The following ALPK3 variants were observed in gnomAD, a reference collection of about 807,000 sequenced individuals.
The protein encoded by ALPK3 is alpha kinase 3, also known as alpha-protein kinase 3.
Under a neutral mutation model 140.0 loss-of-function variants are expected in ALPK3, and 102 were observed. That is an observed-to-expected ratio of 0.73 (90% CI 0.62 to 0.86). The LOEUF (loss-of-function observed/expected upper bound fraction) is 0.86. ALPK3 is among the 40% of genes least tolerant of loss of function. ALPK3 has a pLI of 0.00. For missense variants in ALPK3, 2,254 were observed against 2,208.2 expected, an observed-to-expected ratio of 1.02 and a Z score of -0.42; for synonymous variants, 938 against 898.5, an observed-to-expected ratio of 1.04 and a Z score of -0.79.
Position 84,839,636 on chromosome 15 carries a change from C to G in ALPK3, c.423-66C>G, listed in dbSNP as rs1963632771. Reference sequence around the variant, plus strand: ...TGTGCCCGGCTCTGAACGGCTCTGGCTGGGGGGTGTGGGGGCTCTCACCTC... The same window carrying G: ...TGTGCCCGGCTCTGAACGGCTCTGGGTGGGGGGTGTGGGGGCTCTCACCTC... On this transcript the variant is annotated intron_variant, in intron 4 of 13. Coordinates refer to ENST00000258888, the MANE Select transcript of ALPK3 (RefSeq NM_020778.5). 5 of 1,522,054 alleles carry G rather than the reference C, an allele frequency of 3.3e-6. No individual in the cohort carries two copies. The South Asian group carries it at 5.1e-5, about 15-fold the overall frequency. The allele number at this position is 1,522,054 out of a possible 1,614,324, so 94.3% of individuals were successfully genotyped here. A position where few individuals can be genotyped will look rare whatever the true frequency, so the allele number is the denominator to read the frequency against.
chr15:84,862,983 C>T, intron 10 of ALPK3, 68 bp downstream of exon 10: 3 of 1,560,742 alleles, frequency 1.9e-6, no homozygotes, highest in Non-Finnish European at 2.6e-6. Context: ...CAGCCCAGGT[C>T]CTGTTAGGAT....
intron 1 of ALPK3, 81 bp from the exon 2 acceptor site, chr15:84,823,249 T>C: frequency 1.3e-6 from 2 of 1,520,192 alleles, no homozygotes; most frequent in Non-Finnish European, 1.8e-6. Context: ...TGGTGGCCGA[T>C]TAATAGTTTG....
At chr15:84,863,273 G>A (rs1963969240) in intron 10 of ALPK3, among the ~76,000 whole-genome samples, 1 of 152,168 alleles carries the variant, frequency 6.6e-6, no homozygotes, top group Admixed American at 6.5e-5. Context: ...ACACAGAGTG[G>A]TCTCTGGGAC....
chr15:84,846,740 T>G (rs749379551), intron 5 of ALPK3, among the ~76,000 whole-genome samples: 5 of 152,096 alleles, frequency 3.3e-5, no homozygotes, highest in Admixed American at 2.0e-4. Context: ...CAAATATCAA[T>G]TTTATTCATT....
chr15:84,840,072 C>T lies in ALPK3; in HGVS notation c.793C>T (p.Leu265=), dbSNP rs1963642152. 1 of 1,613,940 alleles carries T rather than the reference C, an allele frequency of 6.2e-7. No individual in the cohort carries two copies. Among genetic ancestry groups the T allele is most frequent in the Non-Finnish European group, 8.5e-7 (1 of 1,180,014 alleles). Residue 265 remains leucine (L), a synonymous_variant, in exon 5 of 14, where the codon CTG becomes TTG. Coordinates refer to ENST00000258888, the MANE Select transcript of ALPK3 (RefSeq NM_020778.5). ...GACTGCTCAGCACTCAGGTTTGGGC[C>T]TGATCAACAGTTTTGCTTCTGGAGA... ...TETAQHSGLG[L]INSFASGEVT... is the part of the protein sequence containing the mutation.
At chr15:84,850,534 C>G (rs1309332343) in intron 5 of ALPK3, among the ~76,000 whole-genome samples, 1 of 152,052 alleles carries the variant, frequency 6.6e-6, no homozygotes, top group African/African-American at 2.4e-5. Context: ...CAGGCATATG[C>G]CACCACACCT....
intron 9 of ALPK3, among the ~76,000 whole-genome samples, chr15:84,861,138 A>G (rs1328882026): frequency 6.6e-6 from 1 of 152,252 alleles, no homozygotes; most frequent in East Asian, 1.9e-4. Context: ...TATTTGAATC[A>G]GGAACCACTC....
At chr15:84,827,303 T>C (rs1039296645) in intron 2 of ALPK3, among the ~76,000 whole-genome samples, 181 bp from the exon 3 acceptor site, 10 of 152,226 alleles carry the variant, frequency 6.6e-5, no homozygotes, top group African/African-American at 1.9e-4. Flanking sequence ...AACCCCTTGA[T>C]ACCTGGCCCC....
At chr15:84,863,492 A>G in intron 10 of ALPK3, 60 bp from the exon 11 acceptor site, 3 of 1,465,610 alleles carry the variant, frequency 2.0e-6, no homozygotes, top group Admixed American at 1.8e-5. Flanking sequence ...ACTTAGGGGT[A>G]GACACAGTGG....
At chr15:84,841,681 G>A (rs765647464) in intron 5 of ALPK3, among the ~76,000 whole-genome samples, 1 of 152,192 alleles carries the variant, frequency 6.6e-6, no homozygotes, top group Non-Finnish European at 1.5e-5. Context: ...TTTGTGTGGA[G>A]ACAGGGGTAG....
chr15:84,859,328 T>A lies in ALPK3; in HGVS notation c.3903T>A (p.Ile1301=), dbSNP rs1963910824. Residue 1301 remains isoleucine (I), a synonymous_variant, in exon 7 of 14, where the codon ATT becomes ATA. Transcript: ENST00000258888. Reference sequence around the variant, plus strand: ...AGCTGTGGTGCCAGTTTTTCAACATTCTTAGTGACTCAGTCTTGACATGGG... The same window carrying A: ...AGCTGTGGTGCCAGTTTTTCAACATACTTAGTGACTCAGTCTTGACATGGG... ...SLKLWCQFFN[I]LSDSVLTWAK... 6.2e-7 allele frequency: 1 copy of A among 1,613,962 alleles called. No individual in the cohort carries two copies. Among genetic ancestry groups the A allele is most frequent in the African/African-American group, 1.3e-5 (1 of 74,880 alleles).
Position 84,839,978 on chromosome 15 carries a change from G to T in ALPK3, c.699G>T (p.Pro233=), listed in dbSNP as rs776875875. 1 of 1,612,776 alleles carries T rather than the reference G, an allele frequency of 6.2e-7. No individual in the cohort carries two copies. The highest frequency in any genetic ancestry group is 8.5e-7 in the Non-Finnish European group (1 of 1,179,436). The part of the protein sequence containing the change: ...RKRRLSGAQA[P]GPSVPTREPE... The stretch of plus-strand genomic sequence containing the variant: ...GGCGATTGAGCGGGGCTCAAGCGCC[G>T]GGCCCCTCGGTCCCTACCAGGGAGC... Residue 233 remains proline, a synonymous_variant, in exon 5 of 14, where the codon CCG becomes CCT. Coordinates refer to ENST00000258888, the MANE Select transcript of ALPK3 (RefSeq NM_020778.5).
At chr15:84,817,737 C>A in intron 1 of ALPK3, 142 bp downstream of exon 1, 1 of 1,119,214 alleles carries the variant, frequency 8.9e-7, no homozygotes, top group Non-Finnish European at 1.2e-6. Flanking sequence ...GGCCTGGGGA[C>A]ATGGCCGGGC....
chr15:84,859,079 G>T (rs1963905517), intron 6 of ALPK3, among the ~76,000 whole-genome samples, 164 bp from the exon 7 acceptor site: 1 of 152,178 alleles, frequency 6.6e-6, no homozygotes, highest in Non-Finnish European at 1.5e-5. Flanking sequence ...CAGGGCAGAA[G>T]CCTGAGATAT....
intron 9 of ALPK3, among the ~76,000 whole-genome samples, chr15:84,861,582 T>C (rs549243156): frequency 1.1e-4 from 16 of 152,374 alleles, no homozygotes; most frequent in African/African-American, 3.8e-4. Flanking sequence ...CAGTCACTGA[T>C]TATTGCCTAA....
Position 84,840,518 on chromosome 15 carries a change from C to A in ALPK3, c.1239C>A (p.Phe413Leu), listed in dbSNP as rs752985553. Residue 413 changes from phenylalanine (F) to leucine (L), a missense_variant, in exon 5 of 14, where the codon TTC becomes TTA. By Grantham distance (22) the Phe-to-Leu change is conservative. Coordinates refer to ENST00000258888, the MANE Select transcript of ALPK3 (RefSeq NM_020778.5). ...PGPGPGQEVY[F>L]SLKDMYLENT... ...CAGGCCCAGGCCAGGAAGTGTATTT[C>A]TCCTTGAAGGACATGTACCTGGAGA... 1 of 1,610,642 alleles carries A rather than the reference C, an allele frequency of 6.2e-7. No individual in the cohort carries two copies. The highest frequency in any genetic ancestry group is 8.5e-7 in the Non-Finnish European group (1 of 1,178,886).
intron 5 of ALPK3, among the ~76,000 whole-genome samples, chr15:84,841,582 G>T (rs56001568): frequency 0.014 from 2,072 of 152,330 alleles, 46 homozygotes; most frequent in African/African-American, 0.048. Flanking sequence ...TATGACTATG[G>T]TGGGAAACAG....
intron 10 of ALPK3, 58 bp downstream of exon 10, chr15:84,862,973 C>A: frequency 6.4e-7 from 1 of 1,571,934 alleles, no homozygotes; most frequent in South Asian, 1.2e-5. Flanking sequence ...TCCCCTTTCC[C>A]AGCCCAGGTC....
At chr15:84,850,879 T>TATATACACACACACACACACACACACAC (rs144798232) in intron 5 of ALPK3, among the ~76,000 whole-genome samples, 1 of 142,366 alleles carries the variant, frequency 7.0e-6, no homozygotes, top group Non-Finnish European at 1.5e-5. Flanking sequence ...GTTCCAGATA[T>TATATACACACACACACACACACACACAC]ACACACACAC....
Sources: gnomAD v4.1 joint callset for allele counts (sites outside exome capture counted in the v4.1 genomes callset) on GRCh38, gnomAD v4.1.1 for gene constraint, MANE v1.5 for transcripts, NCBI Gene and HGNC (gene_info 2026-07-23, HGNC 2026-07-21) for gene names.